Variants in ATP8A1 observed in about 807,000 individuals in gnomAD.
The protein encoded by ATP8A1 is phospholipid-transporting ATPase IA.
Under a neutral mutation model 177.7 loss-of-function variants are expected in ATP8A1, and 90 were observed. The ratio of observed to expected loss-of-function variants is 0.51; its 90% CI spans 0.43 to 0.60. The LOEUF (loss-of-function observed/expected upper bound fraction) is 0.60. ATP8A1 is among the 20% of genes least tolerant of loss of function. ATP8A1 has a pLI of 0.00. For synonymous variants in ATP8A1, 493 were observed against 485.9 expected, an observed-to-expected ratio of 1.01 and a Z score of -0.19; for missense variants, 1,072 against 1,392.8, an observed-to-expected ratio of 0.77 and a Z score of 3.67.
chr4:42,637,953 C>T (rs1739559700), intron 1 of ATP8A1, among the ~76,000 whole-genome samples: 1 of 152,150 alleles, frequency 6.6e-6, no homozygotes, highest in Admixed American at 6.5e-5. Flanking sequence ...GAGCTATATG[C>T]TTAGTTCAAT....
intron 15 of ATP8A1, among the ~76,000 whole-genome samples, chr4:42,558,963 G>A (rs1024906732): frequency 6.6e-6 from 1 of 152,176 alleles, no homozygotes; most frequent in African/African-American, 2.4e-5. Flanking sequence ...GCTGCTTGAG[G>A]CCAGGAGTTT....
chr4:42,616,144 C>T (rs1019815740), intron 4 of ATP8A1, 66 bp from the exon 5 acceptor site: 1 of 1,345,760 alleles, frequency 7.4e-7, no homozygotes, highest in South Asian at 1.3e-5. Flanking sequence ...CAAGAGAGCA[C>T]TCATACCAAA....
intron 24 of ATP8A1, among the ~76,000 whole-genome samples, chr4:42,487,102 T>A (rs1399697568): frequency 1.3e-5 from 2 of 152,136 alleles, no homozygotes; most frequent in Non-Finnish European, 1.5e-5. Context: ...TGAACTGGCT[T>A]TTGTAATTTT....
intron 24 of ATP8A1, among the ~76,000 whole-genome samples, chr4:42,486,584 C>A (rs537017623): frequency 1.1e-4 from 17 of 152,236 alleles, no homozygotes; most frequent in South Asian, 8.3e-4. Context: ...TCAGTAAATT[C>A]TTTTGTTAAA....
intron 14 of ATP8A1, among the ~76,000 whole-genome samples, chr4:42,573,889 G>A (rs146315234): frequency 0.011 from 1,728 of 152,218 alleles, 27 homozygotes; most frequent in Non-Finnish European, 0.019. Context: ...AGGATAATTG[G>A]CAAGTTTGAC....
chr4:42,459,893 G>T (rs1000864545), intron 27 of ATP8A1, among the ~76,000 whole-genome samples: 1 of 152,004 alleles, frequency 6.6e-6, no homozygotes, highest in Non-Finnish European at 1.5e-5. Flanking sequence ...CCGGGTTCAC[G>T]CCATTCTCCT....
intron 24 of ATP8A1, among the ~76,000 whole-genome samples, chr4:42,496,808 CCCCA>C (rs967080223): frequency 6.6e-6 from 1 of 151,948 alleles, no homozygotes; most frequent in Non-Finnish European, 1.5e-5. Context: ...ATATACCCCC[CCCCA>C]CACATATATA....
rs1464684851 is a variant in ATP8A1, at chr4:42,485,643, T to C, written c.2177A>G (p.His726Arg). 4.3e-6 allele frequency: 7 copies of C among 1,610,864 alleles called. No homozygotes were observed. The African/African-American group carries it at 5.3e-5, about 12-fold the overall frequency. Residue 726 changes from histidine (H) to arginine (R), a missense_variant, in exon 25 of 37, where the codon CAC (histidine) becomes CGC (arginine). By Grantham distance (29) the His-to-Arg change is conservative. This residue lies in a region of ATP8A1 where 388 missense variants were observed against 471.7 expected (regional missense o/e 0.82). Transcript: ENST00000381668. Reference sequence around the variant, plus strand: ...GAGAGCATCACCAAGGGTAGTACAGTGACGACTGAGAGTTTCCCTTGTTCC... The same window carrying C: ...GAGAGCATCACCAAGGGTAGTACAGCGACGACTGAGAGTTTCCCTTGTTCC... ...LDGTRETLSR[H>R]CTTLGDALRK...
At chr4:42,569,754 A>T (rs112687698) in intron 14 of ATP8A1, among the ~76,000 whole-genome samples, 4 of 152,346 alleles carry the variant, frequency 2.6e-5, no homozygotes, top group African/African-American at 9.6e-5. Context: ...AAATGATATT[A>T]AAAAATTTTC....
intron 1 of ATP8A1, among the ~76,000 whole-genome samples, chr4:42,633,644 C>A (rs1375270239): frequency 6.6e-6 from 1 of 152,108 alleles, no homozygotes; most frequent in East Asian, 1.9e-4. Flanking sequence ...TTTCATTATG[C>A]ATATAATAGA....
intron 24 of ATP8A1, among the ~76,000 whole-genome samples, chr4:42,494,162 CAA>C (rs397993131): frequency 1.0e-3 from 56 of 53,472 alleles, no homozygotes; most frequent in African/African-American, 3.1e-3. Context: ...GATCATGCCA[CAA>C]AAAAAAAAAA....
At position 42,612,034 on chromosome 4, in the gene ATP8A1, T is replaced by C. The variant is rs531122598; in HGVS notation, c.409+3999A>G. ...TGCTTTGAGTAATGAAAGGGATCAG[T>C]AGACAAACTATTGTATTGACAGAAG... On this transcript the variant is annotated intron_variant, in intron 5 of 36. Transcript: ENST00000381668. Among the ~76,000 whole-genome samples, 8 of 152,260 alleles carry C rather than the reference T, an allele frequency of 5.3e-5. No homozygotes were observed. The South Asian group carries it at 6.2e-4, about 12-fold the overall frequency.
intron 5 of ATP8A1, among the ~76,000 whole-genome samples, chr4:42,607,849 AGAG>A (rs1362235349): frequency 6.6e-6 from 1 of 152,178 alleles, no homozygotes; most frequent in East Asian, 1.9e-4. Flanking sequence ...TTAAGAGCCT[AGAG>A]GAGATGATTA....
chr4:42,580,960 T>TTAAAA (rs1341725353), intron 10 of ATP8A1, among the ~76,000 whole-genome samples: 15 of 152,334 alleles, frequency 9.8e-5, no homozygotes, highest in African/African-American at 3.6e-4. Context: ...GACTATTGCA[T>TTAAAA]TAAAATTACA....
intron 24 of ATP8A1, among the ~76,000 whole-genome samples, chr4:42,489,076 T>C (rs1722491811): frequency 6.6e-6 from 1 of 152,208 alleles, no homozygotes; most frequent in African/African-American, 2.4e-5. Flanking sequence ...CTTTGCTCCC[T>C]AATTTTCCAG....
At chr4:42,511,177 G>T (rs2153195416) in intron 22 of ATP8A1, among the ~76,000 whole-genome samples, 1 of 152,224 alleles carries the variant, frequency 6.6e-6, no homozygotes, top group Admixed American at 6.5e-5. Flanking sequence ...ATCATTTATG[G>T]TGAGATCAGA....
At chr4:42,439,190 T>C (rs1043863290) in intron 33 of ATP8A1, among the ~76,000 whole-genome samples, 4 of 152,202 alleles carry the variant, frequency 2.6e-5, no homozygotes, top group South Asian at 2.1e-4. Flanking sequence ...CCTTTTAAGA[T>C]AGTTCTCTGA....
At chr4:42,539,209 G>A (rs1394015177) in intron 20 of ATP8A1, among the ~76,000 whole-genome samples, 1 of 152,010 alleles carries the variant, frequency 6.6e-6, no homozygotes, top group African/African-American at 2.4e-5. Flanking sequence ...TAAGCTATGA[G>A]GATGCAAAGA....
At chr4:42,524,653 A>G (rs1283610146) in intron 21 of ATP8A1, 110 bp downstream of exon 21, 1 of 604,198 alleles carries the variant, frequency 1.7e-6, no homozygotes, top group African/African-American at 1.9e-5. Flanking sequence ...AACAGCTGAT[A>G]TCTTACTTTA....
Sources: allele counts gnomAD v4.1 joint callset (sites outside exome capture counted in the v4.1 genomes callset), GRCh38; gene constraint gnomAD v4.1.1; regional missense constraint gnomAD v4.1.1; transcripts MANE v1.5; gene names NCBI Gene and HGNC (gene_info 2026-07-23, HGNC 2026-07-21).